The following SLC5A10 variants were observed in gnomAD, a reference collection of about 807,000 sequenced individuals.
SLC5A10 encodes solute carrier family 5 member 10.
A neutral mutation model predicts 68.9 loss-of-function variants in SLC5A10; 55 were observed. That is an observed-to-expected ratio of 0.80 (90% CI 0.64 to 1.00). SLC5A10 has a LOEUF of 1.00. Among genes scored for constraint, SLC5A10 ranks in the 50% least tolerant of loss-of-function variants. The probability of loss-of-function intolerance (pLI) is 0.00; values close to 1 mark genes in which losing one functional copy is unlikely to be tolerated. For missense variants in SLC5A10, 732 were observed against 819.3 expected (o/e 0.89, Z 1.30); for synonymous variants, 344 against 344.8 (o/e 1.00, Z 0.02).
chr17:18,998,246 C>T (rs2043617326), intron 9 of SLC5A10, among the ~76,000 whole-genome samples: 1 of 152,282 alleles, frequency 6.6e-6, no homozygotes, highest in Non-Finnish European at 1.5e-5. Flanking sequence ...CAGAGGGTAG[C>T]TCAGTGCTTT....
chr17:18,983,183 C>T (rs1338793971), intron 9 of SLC5A10, among the ~76,000 whole-genome samples: 2 of 152,336 alleles, frequency 1.3e-5, no homozygotes, highest in Admixed American at 6.5e-5. Context: ...TGGGCTGGGC[C>T]GGGACTGAGG....
In SLC5A10 at chr17:19,013,414, T is replaced by C. The variant is rs779082230; in HGVS notation, c.987T>C (p.Asp329=). Residue 329 remains aspartate, a synonymous_variant, in exon 10 of 15, where the codon GAT becomes GAC. Coordinates refer to ENST00000395645, the MANE Select transcript of SLC5A10 (RefSeq NM_001042450.4). ...AAGTGTCCGTCTCTCGAACAGATGA[T>C]GTGGGCTGCGTGGTGCCGTCCGAGT... ...GMISRALFPD[D]VGCVVPSECL... is the part of the protein sequence containing the mutation. The C allele has an allele frequency of 2.5e-6, 4 of 1,607,004 alleles. No homozygotes were observed. The highest frequency in any genetic ancestry group is 3.4e-6 in the Non-Finnish European group (4 of 1,176,482).
chr17:18,976,577 G>A (rs2152007152), intron 8 of SLC5A10: 1 of 423,478 alleles, frequency 2.4e-6, no homozygotes, highest in South Asian at 4.4e-5. Flanking sequence ...CAGGGGTGGT[G>A]GGCTGGGCAG....
At position 18,971,837 on chromosome 17, in the gene SLC5A10, C is replaced by A; in HGVS notation, c.846+619C>A. ...CCCTGCTCAGGCACACAGGAGCCGG[C>A]AGGCCCGGGTTCGCCTCCTGGCTCT... On this transcript the variant is annotated intron_variant, in intron 8 of 14. Transcript: ENST00000395645. This position sits in a 1 kb window ranked among gnomAD's most constrained non-coding sequence, Gnocchi z 5.5. 1 of 1,442,684 alleles carries A rather than the reference C, an allele frequency of 6.9e-7. No individual in the cohort carries two copies. Among genetic ancestry groups the A allele is most frequent in the Non-Finnish European group, 9.2e-7 (1 of 1,082,476 alleles). 89.4% of individuals were successfully genotyped at this position (1,442,684 alleles called of 1,614,324 possible). A position where few individuals can be genotyped will look rare whatever the true frequency, so the allele number is the denominator to read the frequency against.
At chr17:18,965,351 A>G (rs1457093468) in intron 5 of SLC5A10, among the ~76,000 whole-genome samples, 4 of 152,168 alleles carry the variant, frequency 2.6e-5, no homozygotes, top group Middle Eastern at 3.2e-3. Flanking sequence ...GGACACCAAA[A>G]AGATTTGGGA....
chr17:19,021,038 C>T lies in SLC5A10; in HGVS notation c.*607C>T, dbSNP rs2044257077. 1 of 152,884 alleles carries T rather than the reference C, an allele frequency of 6.5e-6. No individual in the cohort carries two copies. Among genetic ancestry groups the T allele is most frequent in the African/African-American group, 2.4e-5 (1 of 41,462 alleles). 9.5% of individuals were successfully genotyped at this position (152,884 alleles called of 1,614,324 possible). ...CCTGCTCATATCCCTGATCATGGCA[C>T]ATTCTCTGGAGGACCCTCCTGTTCT... On this transcript the variant is annotated 3_prime_UTR_variant, in exon 15 of 15. Transcript: ENST00000395645. This position sits in a 1 kb window ranked among gnomAD's most constrained non-coding sequence, Gnocchi z 4.1.
rs774602983 is a variant in SLC5A10, at chr17:19,015,139, T to C, written c.1181T>C (p.Met394Thr). The change falls in exon 11 of 15, where the codon ATG (methionine) becomes ACG (threonine). Residue 394 changes from methionine (M) to threonine (T), a missense_variant. Coordinates refer to ENST00000395645, the MANE Select transcript of SLC5A10 (RefSeq NM_001042450.4). ...AACAGCAGCAGCACCCTCTTCACTA[T>C]GGACATCTGGAGGCGGCTGCGTCCC... ...IFNSSSTLFT[M>T]DIWRRLRPRS... The C allele has an allele frequency of 1.5e-5, 22 of 1,500,786 alleles. No individual in the cohort carries two copies. The highest frequency in any genetic ancestry group is 1.8e-5 in the Non-Finnish European group (20 of 1,099,064). The allele number at this position is 1,500,786 out of a possible 1,614,324, so 93.0% of individuals were successfully genotyped here.
chr17:19,009,068 C>T (rs946571990), intron 9 of SLC5A10, among the ~76,000 whole-genome samples: 1 of 152,122 alleles, frequency 6.6e-6, no homozygotes, highest in African/African-American at 2.4e-5. Context: ...CCACCTCAGC[C>T]TCCCAAAGTG....
chr17:19,003,177 A>G lies in SLC5A10; in HGVS notation c.983-10233A>G, dbSNP rs2043775349. ...TTTACAGTGAATCAGAGCCACTCTAAGGGAGAGTGAGAGGAAGCCCTGGGG... is the reference window on the plus strand; with the variant it reads ...TTTACAGTGAATCAGAGCCACTCTAGGGGAGAGTGAGAGGAAGCCCTGGGG... On this transcript the variant is annotated intron_variant, in intron 9 of 14. Transcript: ENST00000395645. The surrounding 1 kb of genome is among the most constrained non-coding windows in gnomAD (Gnocchi z 4.5). 6.6e-6 allele frequency among the ~76,000 whole-genome samples: 1 copy of G among 150,822 alleles called. No homozygotes were observed. The highest frequency in any genetic ancestry group is 2.4e-5 in the African/African-American group (1 of 40,966).
At chr17:18,982,756 G>A (rs1259811708) in intron 9 of SLC5A10, among the ~76,000 whole-genome samples, 1 of 152,242 alleles carries the variant, frequency 6.6e-6, no homozygotes, top group African/African-American at 2.4e-5. Context: ...CTGGTGCGAG[G>A]CAGAGGGGGC....
rs1326469981 is a variant in SLC5A10 at position 19,017,850 on chromosome 17, T to A, written c.1242-1573T>A. 1 of 156,064 alleles carries A rather than the reference T, an allele frequency of 6.4e-6. No homozygotes were observed. Among genetic ancestry groups the A allele is most frequent in the African/African-American group, 2.4e-5 (1 of 41,466 alleles). 9.7% of individuals were successfully genotyped at this position (156,064 alleles called of 1,614,324 possible). On this transcript the variant is annotated intron_variant, in intron 11 of 14. Transcript: ENST00000395645. This position sits in a 1 kb window ranked among gnomAD's most constrained non-coding sequence, Gnocchi z 5.6. ...GATGGTGGCATGGGAGGGAGTGGCA[T>A]TCCAGGCAGAAGGAGCAGCCTCTGG... is the stretch of plus-strand genomic sequence containing the variant.
chr17:18,976,782 C>A, intron 8 of SLC5A10, 72 bp from the exon 9 acceptor site: 6 of 1,571,414 alleles, frequency 3.8e-6, no homozygotes, highest in Admixed American at 3.4e-5. Context: ...TTCCCTGAGG[C>A]CCACCAAGGA....
rs779741972 is a variant in SLC5A10, at chr17:19,003,700, C to T, written c.983-9710C>T. 4 of 1,606,762 alleles carry T rather than the reference C, an allele frequency of 2.5e-6. No individual in the cohort carries two copies. Among genetic ancestry groups the T allele is most frequent in the Non-Finnish European group, 3.4e-6 (4 of 1,176,570 alleles). On this transcript the variant is annotated intron_variant, in intron 9 of 14. Coordinates refer to ENST00000395645, the MANE Select transcript of SLC5A10 (RefSeq NM_001042450.4). This position sits in a 1 kb window ranked among gnomAD's most constrained non-coding sequence, Gnocchi z 4.5. The stretch of plus-strand genomic sequence containing the variant: ...TCTGGGGCCAGTACTCCAGGGAGGG[C>T]AGCGGCTCGGCCTCGATGGGGACCC...
intron 9 of SLC5A10, among the ~76,000 whole-genome samples, chr17:19,007,064 G>A (rs1038387901): frequency 2.0e-5 from 3 of 152,172 alleles, no homozygotes; most frequent in Non-Finnish European, 4.4e-5. Flanking sequence ...TTATTCCTGG[G>A]TCCTGGTAGT....
At chr17:18,962,780 C>T (rs979166966) in intron 5 of SLC5A10, among the ~76,000 whole-genome samples, 1 of 152,082 alleles carries the variant, frequency 6.6e-6, no homozygotes, top group Non-Finnish European at 1.5e-5. Context: ...GAGGAGGCCC[C>T]AGGTAGGTCT....
At chr17:18,974,325 T>C (rs991535870) in intron 8 of SLC5A10, among the ~76,000 whole-genome samples, 1 of 152,246 alleles carries the variant, frequency 6.6e-6, no homozygotes, top group Admixed American at 6.5e-5. Context: ...CACTATCTTC[T>C]GGCTCATCCA....
At position 18,959,607 on chromosome 17, in the gene SLC5A10, A is replaced by G; in HGVS notation, c.292A>G (p.Thr98Ala). ...TCACCTGTCTCTGTCCCCATAGGCC[A>G]CGTACGTGCTGCTGGCACTGGCATG... ...LAVAGFEWNA[T>A]YVLLALAWVF... Residue 98 changes from threonine (T) to alanine (A), a missense_variant, in exon 4 of 15, where the codon ACG becomes GCG. By Grantham distance (58) the Thr-to-Ala change is moderately conservative (BLOSUM62 0). Transcript: ENST00000395645. The G allele has an allele frequency of 6.2e-7, 1 of 1,613,854 alleles. No individual in the cohort carries two copies. Among genetic ancestry groups the G allele is most frequent in the Admixed American group, 1.7e-5 (1 of 60,018 alleles).
At chr17:18,984,233 T>C (rs1316461631) in intron 9 of SLC5A10, among the ~76,000 whole-genome samples, 1 of 142,694 alleles carries the variant, frequency 7.0e-6, no homozygotes, top group Non-Finnish European at 1.5e-5. Flanking sequence ...TCCCAGCTAC[T>C]GGGGAGGCTG....
chr17:18,987,661 C>T (rs2043304695), intron 9 of SLC5A10, among the ~76,000 whole-genome samples: 2 of 152,378 alleles, frequency 1.3e-5, no homozygotes, highest in African/African-American at 4.8e-5. Context: ...CACTTCTGTT[C>T]CATGGTTTCC....
Sources: gnomAD v4.1 joint callset for allele counts (sites outside exome capture counted in the v4.1 genomes callset) on GRCh38, gnomAD v4.1.1 for gene constraint, Gnocchi (gnomAD v3.1) non-coding constraint, MANE v1.5 for transcripts, NCBI Gene and HGNC (gene_info 2026-07-23, HGNC 2026-07-21) for gene names.